EXOC4: variants seen among roughly 807,000 people sequenced by gnomAD.
EXOC4 encodes the protein SEC8-like 1.
EXOC4 carries 71 observed loss-of-function variants against 107.2 expected under a neutral mutation model. The ratio of observed to expected loss-of-function variants is 0.66; its 90% CI spans 0.55 to 0.81. The LOEUF is 0.81. Ranked by LOEUF, EXOC4 falls within the 30% of genes least tolerant of loss-of-function variation. EXOC4 has a pLI of 0.00. For synonymous variants in EXOC4, 456 were observed against 441.2 expected (o/e 1.03, Z -0.42); for missense variants, 1,108 against 1,189.6 (o/e 0.93, Z 1.01).
chr7:133,608,750 T>C lies in EXOC4; in HGVS notation c.1418-21295T>C, dbSNP rs560370637. Among the ~76,000 whole-genome samples the C allele has an allele frequency of 7.4e-4, 112 of 152,098 alleles. 1 individual carries two copies. Among genetic ancestry groups the C allele is most frequent in the Middle Eastern group, 3.4e-3 (1 of 294 alleles). ...TTTTAGTAGAGACAGGGTTTTACCA[T>C]GTTGGCCAGGATGGTCTCGATCTCC... is the stretch of plus-strand genomic sequence containing the variant. On this transcript the variant is annotated intron_variant, in intron 9 of 17. Coordinates refer to ENST00000253861, the MANE Select transcript of EXOC4 (RefSeq NM_021807.4).
At chr7:133,903,258 G>A (rs913624931) in intron 12 of EXOC4, among the ~76,000 whole-genome samples, 21 of 152,198 alleles carry the variant, frequency 1.4e-4, no homozygotes, top group Admixed American at 1.4e-3. Flanking sequence ...CCATTACAAG[G>A]ATTGTGCGTA....
rs567309729 is a variant in EXOC4 at position 133,578,920 on chromosome 7, C to G, written c.1418-51125C>G. Among the ~76,000 whole-genome samples the G allele has an allele frequency of 1.7e-4, 26 of 152,290 alleles. No homozygotes were observed. The South Asian group carries it at 2.7e-3, about 16-fold the overall frequency. ...GCAAAATGACTTTGCAGTGCCACGA[C>G]TGCTCTGCCCCTATCTGAGAAAATG... On this transcript the variant is annotated intron_variant, in intron 9 of 17. Transcript: ENST00000253861.
At chr7:134,039,891 T>C (rs1241435582) in intron 17 of EXOC4, among the ~76,000 whole-genome samples, 3 of 152,324 alleles carry the variant, frequency 2.0e-5, no homozygotes, top group Non-Finnish European at 4.4e-5. Flanking sequence ...AGTAACAGAC[T>C]AACAGCTTCA....
intron 9 of EXOC4, among the ~76,000 whole-genome samples, chr7:133,586,900 G>A (rs1248363247): frequency 1.3e-5 from 2 of 151,914 alleles, no homozygotes; most frequent in Non-Finnish European, 2.9e-5. Context: ...GTGCGATCTC[G>A]GCTCACTGCA....
At chr7:134,086,022 C>G in the EXOC4 span, among the ~76,000 whole-genome samples, 2 of 152,112 alleles carry the variant, frequency 1.3e-5, no homozygotes, top group Non-Finnish European at 2.9e-5. Flanking sequence ...AAAGTGTGCC[C>G]CAACACACAG....
At chr7:133,876,601 A>G (rs1798855028) in intron 11 of EXOC4, among the ~76,000 whole-genome samples, 1 of 151,458 alleles carries the variant, frequency 6.6e-6, no homozygotes, top group South Asian at 2.1e-4. Context: ...CCACAGTGCA[A>G]GCCACCCTAG....
At chr7:133,569,280 T>TGTACA (rs1487176743) in intron 9 of EXOC4, among the ~76,000 whole-genome samples, 1 of 152,182 alleles carries the variant, frequency 6.6e-6, no homozygotes, top group East Asian at 1.9e-4. Flanking sequence ...TATAATACTT[T>TGTACA]GTACAGCCAA....
intron 7 of EXOC4, among the ~76,000 whole-genome samples, chr7:133,434,059 G>A (rs770763894): frequency 6.6e-6 from 1 of 152,142 alleles, no homozygotes; most frequent in Non-Finnish European, 1.5e-5. Context: ...AAAGGAATCT[G>A]GAGGAGGCCA....
intron 17 of EXOC4, among the ~76,000 whole-genome samples, chr7:134,015,743 C>T (rs1194932081): frequency 6.6e-6 from 1 of 151,914 alleles, no homozygotes; most frequent in Non-Finnish European, 1.5e-5. Flanking sequence ...GGTGTGGTGG[C>T]ACGTGCCTGT....
At chr7:134,090,622 G>A in the EXOC4 span, among the ~76,000 whole-genome samples, 443 of 152,204 alleles carry the variant, frequency 2.9e-3, no homozygotes, top group Middle Eastern at 6.8e-3. Flanking sequence ...AGAGCTCAGC[G>A]AGACCAGAGA....
At chr7:133,460,191 G>A (rs983445475) in intron 7 of EXOC4, among the ~76,000 whole-genome samples, 6 of 152,116 alleles carry the variant, frequency 3.9e-5, no homozygotes, top group East Asian at 1.9e-4. Context: ...AGGAGCACAC[G>A]ACCTAGATCC....
At position 133,960,381 on chromosome 7, in the gene EXOC4, G is replaced by A. The variant is rs111364057; in HGVS notation, c.2206+22312G>A. Among the ~76,000 whole-genome samples, 803 of 152,312 alleles carry A rather than the reference G, an allele frequency of 5.3e-3. 7 individuals carry two copies. Among genetic ancestry groups the A allele is most frequent in the East Asian group, 0.029 (148 of 5,186 alleles). On this transcript the variant is annotated intron_variant, in intron 14 of 17. Coordinates refer to ENST00000253861, the MANE Select transcript of EXOC4 (RefSeq NM_021807.4). ...TACTGGCTTCATAGAATGATTTAGG[G>A]AGGGTTCCCTCTTTCTCTATCTTGT... is the stretch of plus-strand genomic sequence containing the variant.
At chr7:133,525,289 T>G (rs1800059049) in intron 9 of EXOC4, among the ~76,000 whole-genome samples, 1 of 152,202 alleles carries the variant, frequency 6.6e-6, no homozygotes, top group Non-Finnish European at 1.5e-5. Flanking sequence ...TCAAACTGAT[T>G]GCTAGAAATT....
intron 9 of EXOC4, among the ~76,000 whole-genome samples, chr7:133,546,170 T>G (rs1408450436): frequency 1.3e-5 from 2 of 152,106 alleles, no homozygotes; most frequent in East Asian, 3.8e-4. Flanking sequence ...TTAAACTATA[T>G]CTATTTTATT....
chr7:133,876,221 G>GGT (rs10605200), intron 11 of EXOC4, among the ~76,000 whole-genome samples: 10,174 of 147,210 alleles, frequency 0.069, 529 homozygotes, highest in African/African-American at 0.15. Flanking sequence ...AGAATGAAGA[G>GGT]GTGTGTGTGT....
chr7:133,766,661 C>T (rs758834120), intron 10 of EXOC4, among the ~76,000 whole-genome samples: 29 of 151,948 alleles, frequency 1.9e-4, no homozygotes, highest in Non-Finnish European at 3.2e-4. Flanking sequence ...ACCTTGCCTG[C>T]CCTTCCAAAC....
intron 9 of EXOC4, among the ~76,000 whole-genome samples, chr7:133,512,375 G>C (rs1230874550): frequency 2.0e-5 from 3 of 152,004 alleles, no homozygotes; most frequent in African/African-American, 7.3e-5. Flanking sequence ...GTTGCAGTGA[G>C]CCGAGATTGC....
intron 6 of EXOC4, 62 bp from the exon 7 acceptor site, chr7:133,374,766 C>G (rs1796450286): frequency 7.2e-7 from 1 of 1,390,592 alleles, no homozygotes; most frequent in African/African-American, 1.4e-5. Context: ...TTGCAGGTCA[C>G]TGTAAGCCAT....
intron 7 of EXOC4, among the ~76,000 whole-genome samples, chr7:133,460,503 T>G (rs776909049): frequency 4.6e-5 from 7 of 152,236 alleles, no homozygotes; most frequent in Non-Finnish European, 5.9e-5. Flanking sequence ...ATAAAATAGT[T>G]TAATTCCATG....
Sources: allele counts gnomAD v4.1 joint callset (sites outside exome capture counted in the v4.1 genomes callset), GRCh38; gene constraint gnomAD v4.1.1; transcripts MANE v1.5; gene names NCBI Gene and HGNC (gene_info 2026-07-23, HGNC 2026-07-21).